CLPX: variants seen among roughly 807,000 people sequenced by gnomAD.
CLPX encodes ATP-dependent clpX-like chaperone, mitochondrial.
A neutral mutation model predicts 76.4 loss-of-function variants in CLPX; 34 were observed. That is an observed-to-expected ratio of 0.45 (90% CI 0.34 to 0.59). The LOEUF is 0.59. Ranked by LOEUF, CLPX falls within the 20% of genes least tolerant of loss-of-function variation. The probability of loss-of-function intolerance (pLI) is 0.01; values close to 1 mark genes in which losing one functional copy is unlikely to be tolerated. For missense variants in CLPX, 613 were observed against 757.0 expected (o/e 0.81, Z 2.23); for synonymous variants, 248 against 270.9 (o/e 0.92, Z 0.83).
intron 3 of CLPX, among the ~76,000 whole-genome samples, chr15:65,172,637 G>A (rs948098057): frequency 1.3e-5 from 2 of 151,996 alleles, no homozygotes; most frequent in African/African-American, 2.4e-5. Flanking sequence ...CGTCTGGGGG[G>A]AAAGAAAAAG....
chr15:65,150,956 G>C, intron 13 of CLPX, 43 bp from the exon 14 acceptor site: 2 of 1,370,830 alleles, frequency 1.5e-6, no homozygotes, highest in Non-Finnish European at 2.0e-6. Context: ...ATAAAAAATG[G>C]AGGTAAACAT....
chr15:65,167,396 G>C (rs1318284904), intron 3 of CLPX, among the ~76,000 whole-genome samples: 1 of 152,080 alleles, frequency 6.6e-6, no homozygotes. Context: ...AAACCTCTTT[G>C]AGAATATGGA....
In CLPX at chr15:65,185,106, G is replaced by C. The variant is rs952063461; in HGVS notation, c.48C>G (p.Leu16=). ...GCGCGGAGGCGAGTGAGGAGGTGAT[G>C]AGCCGGACGGCCGCCGCGCCGCAAG... ...ACTCGAAAVR[L]ITSSLASAQR... The change falls in exon 1 of 14, where the codon CTC becomes CTG. Residue 16 remains leucine, a synonymous_variant. Coordinates refer to ENST00000300107, the MANE Select transcript of CLPX (RefSeq NM_006660.5). The C allele has an allele frequency of 6.3e-7, 1 of 1,584,792 alleles. No homozygotes were observed. Among genetic ancestry groups the C allele is most frequent in the Non-Finnish European group, 8.6e-7 (1 of 1,166,610 alleles).
chr15:65,181,644 T>G (rs1007600425), intron 1 of CLPX, among the ~76,000 whole-genome samples: 1 of 151,710 alleles, frequency 6.6e-6, no homozygotes, highest in African/African-American at 2.4e-5. Context: ...TCCCAGCTAC[T>G]TGGGAAGCTG....
At chr15:65,162,768 T>C in intron 5 of CLPX, 123 bp from the exon 6 acceptor site, 1 of 599,568 alleles carries the variant, frequency 1.7e-6, no homozygotes, top group South Asian at 2.2e-5. Context: ...TTTTCAGCTT[T>C]TCATATATGC....
chr15:65,172,027 C>T (rs1166106368), intron 3 of CLPX, among the ~76,000 whole-genome samples: 2 of 152,174 alleles, frequency 1.3e-5, no homozygotes, highest in Non-Finnish European at 2.9e-5. Flanking sequence ...CAGAGTTTCA[C>T]TCTTGTTGCC....
chr15:65,176,183 A>G (rs2088089490), intron 3 of CLPX, among the ~76,000 whole-genome samples: 1 of 152,200 alleles, frequency 6.6e-6, no homozygotes, highest in Non-Finnish European at 1.5e-5. Flanking sequence ...ACTAACATAC[A>G]AATTCTAGGA....
intron 3 of CLPX, among the ~76,000 whole-genome samples, chr15:65,170,074 G>C (rs1416374028): frequency 6.6e-6 from 1 of 151,744 alleles, no homozygotes. Context: ...TTTTTTTTAA[G>C]AGCTGCTGTC....
chr15:65,170,207 C>T (rs1416178913), intron 3 of CLPX, among the ~76,000 whole-genome samples: 1 of 151,976 alleles, frequency 6.6e-6, no homozygotes, highest in African/African-American at 2.4e-5. Context: ...AACCGGGGAC[C>T]TCAGAAAGCA....
chr15:65,159,460 A>C (rs531955764), intron 6 of CLPX, among the ~76,000 whole-genome samples: 1 of 152,280 alleles, frequency 6.6e-6, no homozygotes, highest in East Asian at 1.9e-4. Flanking sequence ...AAAATAAAAA[A>C]TTAGCCAGAT....
Position 65,185,094 on chromosome 15 carries a change from T to A in CLPX, c.60A>T (p.Ser20=). 1 of 1,527,234 alleles carries A rather than the reference T, an allele frequency of 6.5e-7. No individual in the cohort carries two copies. The highest frequency in any genetic ancestry group is 8.8e-7 in the Non-Finnish European group (1 of 1,136,884). The allele number at this position is 1,527,234 out of a possible 1,614,324, so 94.6% of individuals were successfully genotyped here. ...CGTTACCTCTCTGCGCGGAGGCGAGTGAGGAGGTGATGAGCCGGACGGCCG... is the reference window on the plus strand; with the variant it reads ...CGTTACCTCTCTGCGCGGAGGCGAGAGAGGAGGTGATGAGCCGGACGGCCG... ...GAAAVRLITS[S]LASAQRGISG... The change falls in exon 1 of 14, where the codon TCA becomes TCT. Residue 20 remains serine (S), a synonymous_variant. Coordinates refer to ENST00000300107, the MANE Select transcript of CLPX (RefSeq NM_006660.5).
Position 65,155,873 on chromosome 15 carries a change from T to G in CLPX, c.1147-17A>C, listed in dbSNP as rs780906408. 2.3e-5 allele frequency: 36 copies of G among 1,594,730 alleles called. 1 individual carries two copies. The Middle Eastern group carries it at 5.0e-4, about 22-fold the overall frequency. On this transcript the variant is annotated splice_polypyrimidine_tract_variant and intron_variant, in intron 9 of 13. Transcript: ENST00000300107. ...TAATAAGCCCTAAATAAAGAACAAA[T>G]GATTTATAGCATCACCATATAAGCA... is the stretch of plus-strand genomic sequence containing the variant.
chr15:65,162,402 T>C (rs952494041), intron 6 of CLPX, among the ~76,000 whole-genome samples: 4 of 152,216 alleles, frequency 2.6e-5, no homozygotes, highest in African/African-American at 4.8e-5. Flanking sequence ...ACCCAACATA[T>C]GGAAACGACA....
rs1477976484 is a variant in CLPX at position 65,154,956 on chromosome 15, C to T, written c.1437G>A (p.Leu479=). 1.2e-6 allele frequency: 2 copies of T among 1,614,118 alleles called. No homozygotes were observed. Among genetic ancestry groups the T allele is most frequent in the Admixed American group, 3.3e-5 (2 of 59,998 alleles). The change falls in exon 11 of 14, where the codon TTG becomes TTA. Residue 479 remains leucine (L), a synonymous_variant. Transcript: ENST00000300107. ...TCAGATCTCTGGCTTCCACATGACG[C>T]AATAACCGATCTTTTTCTTCAATGT... ...HQDIEEKDRL[L]RHVEARDLIE... is the part of the protein sequence containing the mutation.
Position 65,152,432 on chromosome 15 carries a change from G to C in CLPX, c.1809C>G (p.Ile603Met). The C allele has an allele frequency of 6.7e-7, 1 of 1,488,010 alleles. No homozygotes were observed. The highest frequency in any genetic ancestry group is 9.1e-7 in the Non-Finnish European group (1 of 1,103,144). 92.2% of individuals were successfully genotyped at this position (1,488,010 alleles called of 1,614,324 possible). A position where few individuals can be genotyped will look rare whatever the true frequency, so the allele number is the denominator to read the frequency against. ...TCTGGCTTGAAAATACACTTTACCG[G>C]ATGTATCCTGGTTCCTTTTTTCCTT... ...VVEGKKEPGY[I>M]RAPTKESSEE... is the part of the protein sequence containing the mutation. Residue 603 changes from isoleucine to methionine, a missense_variant and splice_region_variant, in exon 13 of 14, where the codon ATC becomes ATG. Ile to Met is a conservative substitution (Grantham distance 10). Coordinates refer to ENST00000300107, the MANE Select transcript of CLPX (RefSeq NM_006660.5).
chr15:65,180,910 A>C (rs1297917488), intron 1 of CLPX, among the ~76,000 whole-genome samples: 3 of 151,732 alleles, frequency 2.0e-5, no homozygotes, highest in African/African-American at 7.3e-5. Flanking sequence ...TCTCAAAAAA[A>C]AAAAAAAAAA....
At chr15:65,170,819 CTTCT>C (rs963751162) in intron 3 of CLPX, among the ~76,000 whole-genome samples, 25 of 84,778 alleles carry the variant, frequency 2.9e-4, no homozygotes, top group African/African-American at 8.7e-4. Context: ...TGTTTCTGTT[CTTCT>C]TTTTTTTTTT....
chr15:65,162,886 A>G (rs2087870283), intron 5 of CLPX, among the ~76,000 whole-genome samples: 1 of 152,238 alleles, frequency 6.6e-6, no homozygotes, highest in South Asian at 2.1e-4. Context: ...GGGTATAATA[A>G]CATAAGTCTT....
Position 65,185,340 on chromosome 15 carries a change from A to C in CLPX, c.-187T>G, listed in dbSNP as rs1471483368. The C allele has an allele frequency of 7.3e-6, 4 of 546,404 alleles. No homozygotes were observed. In the African/African-American group the frequency reaches 7.9e-5, roughly 11 times the overall value. The allele number at this position is 546,404 out of a possible 1,614,324, so 33.8% of individuals were successfully genotyped here. The stretch of plus-strand genomic sequence containing the variant: ...TGCCCCACAGCCGTCTATTCACCAG[A>C]GTAGACACCCAACCCCCCCCTCCCT... On this transcript the variant is annotated 5_prime_UTR_variant, in exon 1 of 14. Transcript: ENST00000300107.
Sources: gnomAD v4.1 joint callset for allele counts (sites outside exome capture counted in the v4.1 genomes callset) on GRCh38, gnomAD v4.1.1 for gene constraint, MANE v1.5 for transcripts, NCBI Gene and HGNC (gene_info 2026-07-23, HGNC 2026-07-21) for gene names.